Variants in CFAP43 observed in about 807,000 individuals in gnomAD.
CFAP43 encodes the protein cilia- and flagella-associated protein 43.
Under a neutral mutation model 218.9 loss-of-function variants are expected in CFAP43, and 155 were observed. That is an observed-to-expected ratio of 0.71 (90% confidence interval 0.62 to 0.81). CFAP43 has a LOEUF of 0.81. CFAP43 is among the 30% of genes least tolerant of loss of function. The pLI, the probability that CFAP43 is intolerant of heterozygous loss-of-function variation, is 0.00. For synonymous variants in CFAP43, 645 were observed against 681.3 expected (o/e 0.95, Z 0.83); for missense variants, 1,778 against 1,954.3 (o/e 0.91, Z 1.70).
chr10:104,182,272 C>G, intron 17 of CFAP43, 94 bp downstream of exon 17: 7 of 1,325,474 alleles, frequency 5.3e-6, no homozygotes, highest in Non-Finnish European at 7.1e-6. Context: ...AGAAATATTA[C>G]TAAATATCTG....
rs756217301 is a variant in CFAP43 at position 104,223,184 on chromosome 10, AC to A, written c.416+2276del. ...GAATGAGCACCCACTTACTAGCCCAACCAGACTGTGACCATGTGGGAATACA... is the reference window on the plus strand; with the variant it reads ...GAATGAGCACCCACTTACTAGCCCAACAGACTGTGACCATGTGGGAATACA... On this transcript the variant is annotated intron_variant, in intron 3 of 37. Coordinates refer to ENST00000357060, the MANE Select transcript of CFAP43 (RefSeq NM_025145.7). Among the ~76,000 whole-genome samples the A allele has an allele frequency of 1.4e-4, 22 of 152,368 alleles. No homozygotes were observed. In the South Asian group the frequency reaches 4.6e-3, roughly 32 times the overall value.
chr10:104,152,329 G>T (rs1285553234), intron 28 of CFAP43, among the ~76,000 whole-genome samples: 2 of 152,174 alleles, frequency 1.3e-5, no homozygotes, highest in African/African-American at 4.8e-5. Context: ...GGATCTGAAG[G>T]ATGAATATAG....
chr10:104,165,550 G>A (rs1016696018), intron 23 of CFAP43, among the ~76,000 whole-genome samples: 17 of 152,176 alleles, frequency 1.1e-4, no homozygotes, highest in African/African-American at 3.4e-4. Flanking sequence ...AATTGCAGAC[G>A]TGGCTGGAGG....
chr10:104,145,381 C>G lies in CFAP43; in HGVS notation c.3944+95G>C. On this transcript the variant is annotated intron_variant, in intron 31 of 37. Coordinates refer to ENST00000357060, the MANE Select transcript of CFAP43 (RefSeq NM_025145.7). ...CTAAAAGATATTACACTGAATAATTCCATTTAATTGGGAGAAAAAAGCTGA... is the reference window on the plus strand; with the variant it reads ...CTAAAAGATATTACACTGAATAATTGCATTTAATTGGGAGAAAAAAGCTGA... The G allele has an allele frequency of 7.1e-6, 5 of 706,526 alleles. 1 individual carries two copies. The highest frequency in any genetic ancestry group is 1.2e-5 in the Non-Finnish European group (5 of 424,328). 43.8% of individuals were successfully genotyped at this position (706,526 alleles called of 1,614,324 possible).
chr10:104,139,373 C>G (rs796536897), intron 34 of CFAP43, among the ~76,000 whole-genome samples: 1 of 152,074 alleles, frequency 6.6e-6, no homozygotes, highest in African/African-American at 2.4e-5. Flanking sequence ...ATTGAGGAAG[C>G]TCAGAGAAGC....
Position 104,133,628 on chromosome 10 carries a change from G to T in CFAP43, c.4588C>A (p.Arg1530Ser). 6.2e-7 allele frequency: 1 copy of T among 1,607,770 alleles called. No individual in the cohort carries two copies. Among genetic ancestry groups the T allele is most frequent in the Non-Finnish European group, 8.5e-7 (1 of 1,177,402 alleles). ...GGGTAGGGAGAATTTACCTTTTGAC[G>T]ATCTCTTGAAAAAAATAGCATCTGA... ...DIQMLFFSRD[R>S]QKYLNEPNYE... Residue 1530 changes from arginine to serine, a missense_variant, in exon 35 of 38, where the codon CGT (arginine) becomes AGT (serine). Coordinates refer to ENST00000357060, the MANE Select transcript of CFAP43 (RefSeq NM_025145.7).
chr10:104,141,383 G>T (rs2087697654), intron 33 of CFAP43, among the ~76,000 whole-genome samples: 1 of 152,166 alleles, frequency 6.6e-6, no homozygotes, highest in Non-Finnish European at 1.5e-5. Flanking sequence ...ATGCCGAGGT[G>T]GGTGGATCAT....
At chr10:104,146,153 G>A in intron 30 of CFAP43, 110 bp downstream of exon 30, 1 of 811,618 alleles carries the variant, frequency 1.2e-6, no homozygotes, top group Non-Finnish European at 2.0e-6. Flanking sequence ...TGAGAATTAA[G>A]TGGGAGAAAA....
intron 17 of CFAP43, among the ~76,000 whole-genome samples, chr10:104,181,409 G>T (rs1147610): frequency 0.47 from 71,356 of 151,990 alleles, 17,708 homozygotes; most frequent in African/African-American, 0.65. Flanking sequence ...CCCTGCTTCT[G>T]ATCCTTCTTA....
intron 6 of CFAP43, 140 bp from the exon 7 acceptor site, chr10:104,206,170 C>CAT (rs2090682097): frequency 1.5e-6 from 1 of 649,468 alleles, no homozygotes; most frequent in African/African-American, 1.9e-5. Context: ...ATGTAACTAA[C>CAT]ATAGATGCTA....
At chr10:104,133,841 A>G (rs1026156316) in intron 34 of CFAP43, 57 bp from the exon 35 acceptor site, 24 of 1,411,942 alleles carry the variant, frequency 1.7e-5, no homozygotes, top group Non-Finnish European at 2.1e-5. Context: ...AGAACATAGA[A>G]TATTTGAGGC....
At chr10:104,142,246 T>G (rs2087740025) in intron 33 of CFAP43, 35 bp downstream of exon 33, 1 of 1,579,166 alleles carries the variant, frequency 6.3e-7, no homozygotes, top group Non-Finnish European at 8.7e-7. Context: ...AATTAGACTT[T>G]GAATAGGTGA....
chr10:104,188,204 C>T, intron 13 of CFAP43, 66 bp downstream of exon 13: 2 of 1,566,026 alleles, frequency 1.3e-6, no homozygotes, highest in East Asian at 4.5e-5. Context: ...CAAAACAAAC[C>T]CAAAAAACAA....
At chr10:104,222,903 A>G (rs57331881) in intron 3 of CFAP43, among the ~76,000 whole-genome samples, 8,367 of 152,282 alleles carry the variant, frequency 0.055, 515 homozygotes, top group African/African-American at 0.16. Context: ...AATGAAATGT[A>G]CTGAGTATAA....
At position 104,131,364 on chromosome 10, in the gene CFAP43, CAG is replaced by C. The variant is rs779668167; in HGVS notation, c.4796_4797del (p.Ala1599GlyfsTer9). 9 of 1,612,842 alleles carry C rather than the reference CAG, an allele frequency of 5.6e-6. No homozygotes were observed. The highest frequency in any genetic ancestry group is 6.8e-6 in the Non-Finnish European group (8 of 1,179,780). ...TTACAGATGTCTTTTCTCTCTGAGA[CAG>C]CTACCAACTCTTCTCGTAGATTGCA... is the stretch of plus-strand genomic sequence containing the variant. ...LSCNLREELV[A>X]VSERKDICNA... is the part of the protein sequence containing the mutation. On this transcript the variant is annotated frameshift_variant, in exon 37 of 38. Coordinates refer to ENST00000357060, the MANE Select transcript of CFAP43 (RefSeq NM_025145.7). LOFTEE classifies it high-confidence loss of function.
chr10:104,144,773 G>T (rs1013112097), intron 31 of CFAP43, among the ~76,000 whole-genome samples: 1 of 152,156 alleles, frequency 6.6e-6, no homozygotes, highest in African/African-American at 2.4e-5. Context: ...CAAACTCCTT[G>T]ATTTCTAGAT....
chr10:104,166,549 A>G lies in CFAP43; in HGVS notation c.2978T>C (p.Leu993Ser). 3 of 1,614,160 alleles carry G rather than the reference A, an allele frequency of 1.9e-6. No individual in the cohort carries two copies. Among genetic ancestry groups the G allele is most frequent in the Non-Finnish European group, 2.5e-6 (3 of 1,180,016 alleles). Reference sequence around the variant, plus strand: ...GGAATGAAGCTCCAATTGGCTTGACAATAAAGAGGTATCTACCCCAAAATC... The same window carrying G: ...GGAATGAAGCTCCAATTGGCTTGACGATAAAGAGGTATCTACCCCAAAATC... Reference protein sequence around the residue: ...STDFGVDTSLLSSQLELHSRE... With the variant: ...STDFGVDTSLSSSQLELHSRE... The change falls in exon 23 of 38, where the codon TTG becomes TCG. Residue 993 changes from leucine (L) to serine (S), a missense_variant. Leu to Ser is a moderately radical substitution (Grantham distance 145). This residue lies in a region of CFAP43 where 1,553 missense variants were observed against 1,685.2 expected (regional missense o/e 0.92). Coordinates refer to ENST00000357060, the MANE Select transcript of CFAP43 (RefSeq NM_025145.7).
intron 20 of CFAP43, among the ~76,000 whole-genome samples, chr10:104,170,575 C>T (rs2089368520): frequency 6.6e-6 from 1 of 152,090 alleles, no homozygotes; most frequent in South Asian, 2.1e-4. Flanking sequence ...TGAGCCAAAC[C>T]AGAGCCAAGG....
rs748151670 is a variant in CFAP43, at chr10:104,214,463, T to C, written c.417-37A>G. 3 of 1,506,138 alleles carry C rather than the reference T, an allele frequency of 2.0e-6. No individual in the cohort carries two copies. In the South Asian group the frequency reaches 3.9e-5, roughly 20 times the overall value. 93.3% of individuals were successfully genotyped at this position (1,506,138 alleles called of 1,614,324 possible). A position where few individuals can be genotyped will look rare whatever the true frequency, so the allele number is the denominator to read the frequency against. On this transcript the variant is annotated intron_variant, in intron 3 of 37. Coordinates refer to ENST00000357060, the MANE Select transcript of CFAP43 (RefSeq NM_025145.7). ...ATAGCATTTGATGAAAAAAAGTTCA[T>C]TTGAATTTCATGTATTTAGAACATT...
Sources: allele counts gnomAD v4.1 joint callset (sites outside exome capture counted in the v4.1 genomes callset), GRCh38; gene constraint gnomAD v4.1.1; regional missense constraint gnomAD v4.1.1; transcripts MANE v1.5; gene names NCBI Gene and HGNC (gene_info 2026-07-23, HGNC 2026-07-21).